TRAPPC13: variants seen among roughly 807,000 people sequenced by gnomAD.
TRAPPC13 encodes REV7-interacting novel NHEJ regulator 1.
In TRAPPC13, 39 loss-of-function variants were observed where a neutral mutation model predicts 54.0. The ratio of observed to expected loss-of-function variants is 0.72; its 90% CI spans 0.56 to 0.94. TRAPPC13 has a LOEUF of 0.94. Ranked by LOEUF, TRAPPC13 falls within the 40% of genes least tolerant of loss-of-function variation. TRAPPC13 has a pLI of 0.00. For synonymous variants in TRAPPC13, 148 were observed against 167.7 expected (o/e 0.88, Z 0.91); for missense variants, 386 against 488.1 (o/e 0.79, Z 1.97).
intron 7 of TRAPPC13, among the ~76,000 whole-genome samples, chr5:65,653,499 T>A (rs937511679): frequency 6.6e-6 from 1 of 152,120 alleles, no homozygotes; most frequent in African/African-American, 2.4e-5. Context: ...AGCAAAGACC[T>A]ATTAGGAGAA....
intron 1 of TRAPPC13, among the ~76,000 whole-genome samples, chr5:65,629,073 A>T (rs1755399817): frequency 6.6e-6 from 1 of 152,156 alleles, no homozygotes. Flanking sequence ...TAGTTGCCTC[A>T]AATTTTTAAA....
intron 8 of TRAPPC13, 118 bp from the exon 9 acceptor site, chr5:65,658,250 G>T: frequency 1.0e-6 from 1 of 976,466 alleles, no homozygotes; most frequent in Non-Finnish European, 1.5e-6. Context: ...TGATTTGCAG[G>T]CATGAACTAA....
In TRAPPC13 at chr5:65,630,608, A is replaced by G. The variant is rs1005818546; in HGVS notation, c.47-4693A>G. 5 of 1,082,936 alleles carry G rather than the reference A, an allele frequency of 4.6e-6. No homozygotes were observed. In the African/African-American group the frequency reaches 6.6e-5, roughly 14 times the overall value. The allele number at this position is 1,082,936 out of a possible 1,614,324, so 67.1% of individuals were successfully genotyped here. A position where few individuals can be genotyped will look rare whatever the true frequency, so the allele number is the denominator to read the frequency against. On this transcript the variant is annotated intron_variant, in intron 1 of 12. Coordinates refer to ENST00000399438, the MANE Select transcript of TRAPPC13 (RefSeq NM_024941.4). ...GAATTAGTCATGAATTAAGTTGTAT[A>G]GTTTGGATTTTGGTTAATCTCTAAA... is the stretch of plus-strand genomic sequence containing the variant.
intron 1 of TRAPPC13, 139 bp downstream of exon 1, chr5:65,625,245 G>C (rs1345681906): frequency 1.4e-6 from 1 of 735,720 alleles, no homozygotes; most frequent in Non-Finnish European, 2.4e-6. Flanking sequence ...CCAAGCGGGA[G>C]GAAGCGATTT....
intron 1 of TRAPPC13, among the ~76,000 whole-genome samples, chr5:65,629,309 A>G (rs16894136): frequency 0.033 from 4,994 of 152,174 alleles, 275 homozygotes; most frequent in African/African-American, 0.11. Flanking sequence ...AAGAGAAAGA[A>G]TTTTCAGGTT....
intron 9 of TRAPPC13, 134 bp downstream of exon 9, chr5:65,658,635 A>G (rs1052355882): frequency 1.2e-5 from 8 of 644,384 alleles, no homozygotes; most frequent in African/African-American, 7.6e-5. Flanking sequence ...AAAATTCATC[A>G]GAAAGTAGAG....
intron 4 of TRAPPC13, among the ~76,000 whole-genome samples, chr5:65,641,003 A>G (rs2150673002): frequency 6.6e-6 from 1 of 151,894 alleles, no homozygotes; most frequent in South Asian, 2.1e-4. Context: ...GCATGATCAT[A>G]GCTCACTATA....
At chr5:65,654,493 T>G (rs1481738010) in intron 7 of TRAPPC13, among the ~76,000 whole-genome samples, 1 of 152,154 alleles carries the variant, frequency 6.6e-6, no homozygotes, top group Non-Finnish European at 1.5e-5. Flanking sequence ...CTCTCTAAGA[T>G]ACTTAATATT....
chr5:65,632,937 C>T (rs1032517037), intron 1 of TRAPPC13, among the ~76,000 whole-genome samples: 1 of 152,100 alleles, frequency 6.6e-6, no homozygotes, highest in African/African-American at 2.4e-5. Flanking sequence ...CAGGGAAGAT[C>T]TGAATAGCAG....
At chr5:65,638,520 A>G (rs1285905052) in intron 4 of TRAPPC13, among the ~76,000 whole-genome samples, 2 of 152,150 alleles carry the variant, frequency 1.3e-5, no homozygotes, top group African/African-American at 4.8e-5. Flanking sequence ...AGTGGTACAC[A>G]TGTGTTCTTT....
intron 9 of TRAPPC13, 146 bp from the exon 10 acceptor site, chr5:65,660,553 T>C (rs1756812772): frequency 4.0e-6 from 2 of 496,898 alleles, no homozygotes; most frequent in Non-Finnish European, 6.7e-6. Flanking sequence ...GTTCTTTTTA[T>C]TTGTATTGAA....
intron 1 of TRAPPC13, among the ~76,000 whole-genome samples, chr5:65,628,711 C>G (rs1755370896): frequency 6.6e-6 from 1 of 151,920 alleles, no homozygotes; most frequent in East Asian, 1.9e-4. Context: ...ACCTCGTGAT[C>G]TGCCCGCCTT....
intron 1 of TRAPPC13, among the ~76,000 whole-genome samples, chr5:65,631,257 C>G (rs1256472145): frequency 6.6e-6 from 1 of 152,226 alleles, no homozygotes; most frequent in African/African-American, 2.4e-5. Flanking sequence ...CCTTGAAGCT[C>G]AGTGCCTGTC....
chr5:65,645,667 G>A (rs1756166617), intron 4 of TRAPPC13, among the ~76,000 whole-genome samples: 3 of 152,120 alleles, frequency 2.0e-5, no homozygotes, highest in African/African-American at 2.4e-5. Context: ...AGCCAGGCGT[G>A]GTGGTGCATG....
chr5:65,642,088 C>T (rs894876903), intron 4 of TRAPPC13, among the ~76,000 whole-genome samples: 23 of 152,042 alleles, frequency 1.5e-4, no homozygotes, highest in African/African-American at 5.1e-4. Context: ...TTTGGGAGGC[C>T]GAGGCAGGTG....
intron 1 of TRAPPC13, among the ~76,000 whole-genome samples, chr5:65,627,446 A>G (rs1384727890): frequency 6.6e-6 from 1 of 152,150 alleles, no homozygotes; most frequent in East Asian, 1.9e-4. Context: ...CCTAGCCAAC[A>G]TTATGAAACC....
chr5:65,626,596 C>G (rs1755244017), intron 1 of TRAPPC13, among the ~76,000 whole-genome samples: 1 of 152,060 alleles, frequency 6.6e-6, no homozygotes, highest in Admixed American at 6.5e-5. Flanking sequence ...GTTAGCCAGG[C>G]GTGGTGGCGG....
intron 1 of TRAPPC13, among the ~76,000 whole-genome samples, chr5:65,628,588 C>CAGT (rs1755360734): frequency 2.0e-5 from 3 of 151,896 alleles, no homozygotes; most frequent in Non-Finnish European, 2.9e-5. Flanking sequence ...TCTCCTCCCT[C>CAGT]AGCCTCCTGA....
intron 6 of TRAPPC13, among the ~76,000 whole-genome samples, 165 bp from the exon 7 acceptor site, chr5:65,652,336 T>TTCC (rs1447464002): frequency 1.7e-4 from 8 of 45,924 alleles, no homozygotes; most frequent in Non-Finnish European, 2.8e-4. Flanking sequence ...TCTTTTTTCT[T>TTCC]TTCTTTTTTT....
Sources: allele counts gnomAD v4.1 joint callset (sites outside exome capture counted in the v4.1 genomes callset), GRCh38; gene constraint gnomAD v4.1.1; transcripts MANE v1.5; gene names NCBI Gene and HGNC (gene_info 2026-07-23, HGNC 2026-07-21).